Variants in HOGA1 observed in about 807,000 individuals in gnomAD.
HOGA1 encodes the protein 4-hydroxy-2-oxoglutarate aldolase, mitochondrial.
Under a neutral mutation model 34.3 loss-of-function variants are expected in HOGA1, and 30 were observed. That is an observed-to-expected ratio of 0.87 (90% CI 0.65 to 1.19). The LOEUF (loss-of-function observed/expected upper bound fraction) is 1.19. Ranked by LOEUF, HOGA1 falls within the 50% of genes most tolerant of loss-of-function variation. The probability of loss-of-function intolerance (pLI) is 0.00; values close to 1 mark genes in which losing one functional copy is unlikely to be tolerated. For missense variants in HOGA1, 417 were observed against 436.5 expected, an observed-to-expected ratio of 0.96 and a Z score of 0.40; for synonymous variants, 161 against 174.0, an observed-to-expected ratio of 0.93 and a Z score of 0.59.
At chr10:97,597,753 C>T (rs2041082374) in intron 1 of HOGA1, among the ~76,000 whole-genome samples, 1 of 152,032 alleles carries the variant, frequency 6.6e-6, no homozygotes, top group South Asian at 2.1e-4. Context: ...CCCAGGAATT[C>T]GAGCCAGCCT....
At chr10:97,598,932 G>T in intron 2 of HOGA1, 29 bp downstream of exon 2, 5 of 1,612,636 alleles carry the variant, frequency 3.1e-6, no homozygotes, top group Non-Finnish European at 4.2e-6. Context: ...GGCCCTGGGG[G>T]TGGGTGGATG....
At chr10:97,591,752 G>A (rs2041025194) in intron 1 of HOGA1, among the ~76,000 whole-genome samples, 1 of 151,342 alleles carries the variant, frequency 6.6e-6, no homozygotes, top group Non-Finnish European at 1.5e-5. Context: ...AGCTTCCCAA[G>A]TAGCTGGGAC....
rs143216677 is a variant in HOGA1, at chr10:97,605,748, T to C, written c.834+3758T>C. Among the ~76,000 whole-genome samples, 394 of 152,336 alleles carry C rather than the reference T, an allele frequency of 2.6e-3. 2 individuals carry two copies. The highest frequency in any genetic ancestry group is 9.2e-3 in the African/African-American group (381 of 41,576). On this transcript the variant is annotated intron_variant, in intron 6 of 6. Coordinates refer to ENST00000370646, the MANE Select transcript of HOGA1 (RefSeq NM_138413.4). ...TATCTGTATATCCTTTTCAGTCAAC[T>C]ATCTATATTTCTTACGCATTTTGAA... is the stretch of plus-strand genomic sequence containing the variant.
chr10:97,597,691 C>T (rs1188040453), intron 1 of HOGA1, among the ~76,000 whole-genome samples: 3 of 152,040 alleles, frequency 2.0e-5, no homozygotes, highest in Non-Finnish European at 2.9e-5. Context: ...CATGGGGGCT[C>T]ATGACTGTAA....
At chr10:97,602,640 C>A (rs1023832321) in intron 6 of HOGA1, 127 of 897,748 alleles carry the variant, frequency 1.4e-4, no homozygotes, top group Non-Finnish European at 1.6e-4. Flanking sequence ...TCCTTCCTCC[C>A]TCCCTCCCTC....
rs1041046106 is a variant in HOGA1, at chr10:97,599,938, G to A, written c.603+124G>A. Reference sequence around the variant, plus strand: ...GGCTTCTGTGTGGATTCTCTCTGTCGTGCGGGCTCTCTGGGACTTTCTTGA... The same window carrying A: ...GGCTTCTGTGTGGATTCTCTCTGTCATGCGGGCTCTCTGGGACTTTCTTGA... On this transcript the variant is annotated intron_variant, in intron 4 of 6. Coordinates refer to ENST00000370646, the MANE Select transcript of HOGA1 (RefSeq NM_138413.4). The A allele has an allele frequency of 2.0e-5, 31 of 1,524,826 alleles. No homozygotes were observed. In the East Asian group the frequency reaches 2.7e-4, roughly 13 times the overall value. The allele number at this position is 1,524,826 out of a possible 1,614,324, so 94.5% of individuals were successfully genotyped here. A position where few individuals can be genotyped will look rare whatever the true frequency, so the allele number is the denominator to read the frequency against.
Position 97,584,513 on chromosome 10 carries a change from G to C in HOGA1, c.-191G>C, listed in dbSNP as rs539998324. The C allele has an allele frequency of 1.7e-6, 1 of 590,262 alleles. No homozygotes were observed. Among genetic ancestry groups the C allele is most frequent in the African/African-American group, 1.8e-5 (1 of 54,132 alleles). The allele number at this position is 590,262 out of a possible 1,614,324, so 36.6% of individuals were successfully genotyped here. Reference sequence around the variant, plus strand: ...CTAGCTGCTACCCAGAAGGAACAGGGCCCCCTGGGGCCTATAGGCCTTGCC... The same window carrying C: ...CTAGCTGCTACCCAGAAGGAACAGGCCCCCCTGGGGCCTATAGGCCTTGCC... On this transcript the variant is annotated 5_prime_UTR_variant, in exon 1 of 7. Coordinates refer to ENST00000370646, the MANE Select transcript of HOGA1 (RefSeq NM_138413.4).
chr10:97,584,832 C>T lies in HOGA1; in HGVS notation c.129C>T (p.Thr43=), dbSNP rs772564071. 3.7e-5 allele frequency: 60 copies of T among 1,613,996 alleles called. 1 individual carries two copies. The highest frequency in any genetic ancestry group is 4.9e-5 in the Non-Finnish European group (58 of 1,179,992). Residue 43 remains threonine (T), a synonymous_variant, in exon 1 of 7, where the codon ACC becomes ACT. Transcript: ENST00000370646. The stretch of plus-strand genomic sequence containing the variant: ...TTGCGGGTATCTACCCCCCTGTGAC[C>T]ACCCCCTTCACTGCCACTGCAGAGG... ...VDIAGIYPPV[T]TPFTATAEVD... is the part of the protein sequence containing the mutation.
At chr10:97,597,009 G>A (rs1462033728) in intron 1 of HOGA1, among the ~76,000 whole-genome samples, 1 of 152,058 alleles carries the variant, frequency 6.6e-6, no homozygotes, top group African/African-American at 2.4e-5. Flanking sequence ...ACTCCACATC[G>A]AATTTCTGGC....
intron 1 of HOGA1, among the ~76,000 whole-genome samples, chr10:97,597,038 T>A (rs2041076863): frequency 6.6e-6 from 1 of 152,118 alleles, no homozygotes; most frequent in Non-Finnish European, 1.5e-5. Flanking sequence ...CACAACTATA[T>A]GGCAGGAACT....
chr10:97,585,034 C>T, intron 1 of HOGA1, 120 bp downstream of exon 1: 1 of 798,058 alleles, frequency 1.3e-6, no homozygotes, highest in Non-Finnish European at 2.1e-6. Flanking sequence ...CTCAGTGGGT[C>T]ATTTTATTAT....
At chr10:97,587,453 G>T (rs1805493954) in intron 1 of HOGA1, among the ~76,000 whole-genome samples, 1 of 152,136 alleles carries the variant, frequency 6.6e-6, no homozygotes, top group Non-Finnish European at 1.5e-5. Context: ...GTGGAAAGCT[G>T]CCCTGGATGA....
At chr10:97,593,537 C>A (rs1438262770) in intron 1 of HOGA1, among the ~76,000 whole-genome samples, 1 of 152,114 alleles carries the variant, frequency 6.6e-6, no homozygotes, top group Non-Finnish European at 1.5e-5. Context: ...TTAAGCATTT[C>A]ATCAGGAATG....
At chr10:97,602,022 C>G in intron 6 of HOGA1, 32 bp downstream of exon 6, 1 of 1,592,268 alleles carries the variant, frequency 6.3e-7, no homozygotes, top group Non-Finnish European at 8.5e-7. Flanking sequence ...CGCGGCCTGG[C>G]GGGGGGTGGG....
intron 1 of HOGA1, among the ~76,000 whole-genome samples, chr10:97,585,397 C>T (rs2040961413): frequency 6.6e-6 from 1 of 152,200 alleles, no homozygotes; most frequent in South Asian, 2.1e-4. Flanking sequence ...CCTGTTGTGG[C>T]TCCTGTGACC....
intron 1 of HOGA1, among the ~76,000 whole-genome samples, chr10:97,597,166 C>T (rs1031409935): frequency 6.6e-6 from 1 of 150,934 alleles, no homozygotes; most frequent in Non-Finnish European, 1.5e-5. Flanking sequence ...AGTGCAGTGG[C>T]ACAATCATAG....
chr10:97,606,951 A>C (rs1282440887), intron 6 of HOGA1, among the ~76,000 whole-genome samples: 1 of 152,026 alleles, frequency 6.6e-6, no homozygotes, highest in Non-Finnish European at 1.5e-5. Context: ...CCAGCCAACA[A>C]GTCCTGTACA....
At chr10:97,592,042 A>C (rs1380567048) in intron 1 of HOGA1, among the ~76,000 whole-genome samples, 6 of 150,716 alleles carry the variant, frequency 4.0e-5, no homozygotes, top group South Asian at 4.2e-4. Context: ...GGGTTTTGCC[A>C]TGTTGCCCAG....
intron 6 of HOGA1, among the ~76,000 whole-genome samples, chr10:97,602,824 G>A (rs1324158650): frequency 6.6e-6 from 1 of 151,990 alleles, no homozygotes; most frequent in Non-Finnish European, 1.5e-5. Context: ...GAGATTACAC[G>A]TGTGCACCAC....
Sources: gnomAD v4.1 joint callset for allele counts (sites outside exome capture counted in the v4.1 genomes callset) on GRCh38, gnomAD v4.1.1 for gene constraint, MANE v1.5 for transcripts, NCBI Gene and HGNC (gene_info 2026-07-23, HGNC 2026-07-21) for gene names.